Variants in ING1 observed in about 807,000 individuals in gnomAD.
The protein encoded by ING1 is inhibitor of growth family member 1, also known as inhibitor of growth protein 1.
A neutral mutation model predicts 23.1 loss-of-function variants in ING1; 4 were observed. The ratio of observed to expected loss-of-function variants is 0.17; its 90% CI spans 0.09 to 0.40. The LOEUF (loss-of-function observed/expected upper bound fraction) is 0.40, where lower values mean the gene tolerates loss of function less well. Among genes scored for constraint, ING1 ranks in the 10% least tolerant of loss-of-function variants. The pLI is 1.00. For synonymous variants in ING1, 179 were observed against 166.4 expected (o/e 1.08, Z -0.58); for missense variants, 256 against 393.8 (o/e 0.65, Z 2.96).
chr13:110,715,270 G>A (rs2064100706), intron 1 of ING1: 4 of 1,384,224 alleles, frequency 2.9e-6, no homozygotes, highest in South Asian at 3.7e-5. Context: ...AAACGGAAGA[G>A]TTGGGTGGGG....
chr13:110,715,196 GCT>G, intron 1 of ING1: 1 of 1,250,198 alleles, frequency 8.0e-7, no homozygotes, highest in Non-Finnish European at 1.0e-6. Flanking sequence ...GGCTTTGGGG[GCT>G]CTGTTTTGAA....
chr13:110,715,624 G>C (rs747608643), intron 1 of ING1: 6 of 1,613,898 alleles, frequency 3.7e-6, no homozygotes, highest in South Asian at 1.1e-5. Context: ...CGGGTCGCTC[G>C]GCCTCCAGCC....
At position 110,719,912 on chromosome 13, in the gene ING1, G is replaced by A; in HGVS notation, c.820G>A (p.Glu274Lys). 1 of 1,607,488 alleles carries A rather than the reference G, an allele frequency of 6.2e-7. No individual in the cohort carries two copies. Among genetic ancestry groups the A allele is most frequent in the Non-Finnish European group, 8.5e-7 (1 of 1,178,216 alleles). ...CAAAGCCCTGGAGAAATCCAAAAAA[G>A]AGAGGGCTTACAACAGGTAGTTTGT... Reference protein sequence around the residue: ...MDKALEKSKKERAYNR With the variant: ...MDKALEKSKKKRAYNR Residue 274 changes from glutamate (E) to lysine (K), a missense_variant, in exon 2 of 2, where the codon GAG becomes AAG. Glu to Lys is a moderately conservative substitution (Grantham distance 56, BLOSUM62 1). Around this residue, in one of 3 missense-constraint regions of ING1, gnomAD observed 22 missense variants for 24.2 expected, o/e 0.91. Coordinates refer to ENST00000333219, the MANE Select transcript of ING1 (RefSeq NM_198219.3). This position sits in a 1 kb window ranked among gnomAD's most constrained non-coding sequence, Gnocchi z 8.9.
chr13:110,715,488 G>C (rs2064106655), intron 1 of ING1: 1 of 1,612,826 alleles, frequency 6.2e-7, no homozygotes, highest in South Asian at 1.1e-5. Context: ...CGGAACGATT[G>C]GTCGCTGAGG....
upstream of ING1, chr13:110,712,911 G>C (rs1349144247): frequency 1.3e-6 from 2 of 1,540,602 alleles, no homozygotes; most frequent in Non-Finnish European, 1.8e-6. Context: ...AAGGGAGGGC[G>C]GTGACGGATG....
At chr13:110,718,349 G>A (rs1566381488) in intron 1 of ING1, among the ~76,000 whole-genome samples, 2 of 152,136 alleles carry the variant, frequency 1.3e-5, no homozygotes, top group Non-Finnish European at 2.9e-5. Context: ...CTGGGAGGTC[G>A]AGGCTGCAGT....
chr13:110,713,635 G>A (rs1032583906), upstream of ING1: 1 of 985,124 alleles, frequency 1.0e-6, no homozygotes, highest in South Asian at 4.7e-5. Context: ...CGGGGGAGGG[G>A]GCCGGGGCGC....
intron 1 of ING1, among the ~76,000 whole-genome samples, chr13:110,717,366 C>T (rs1263882801): frequency 6.6e-6 from 1 of 152,152 alleles, no homozygotes; most frequent in African/African-American, 2.4e-5. Context: ...TGAGAATATA[C>T]TCTGGAAAAT....
chr13:110,713,007 G>T (rs372639568), upstream of ING1: 1 of 1,533,940 alleles, frequency 6.5e-7, no homozygotes, highest in Non-Finnish European at 8.8e-7. Flanking sequence ...TGCGGCCGCA[G>T]CTCAAAGGAC....
chr13:110,719,962 A>C lies in ING1; in HGVS notation c.*30A>C. 1 of 1,486,128 alleles carries C rather than the reference A, an allele frequency of 6.7e-7. No individual in the cohort carries two copies. The allele number at this position is 1,486,128 out of a possible 1,614,324, so 92.1% of individuals were successfully genotyped here. A position where few individuals can be genotyped will look rare whatever the true frequency, so the allele number is the denominator to read the frequency against. ...TGGACAGGCGCCTGGTGTGAGGAGG[A>C]CAAAATAAACCGTGTATTTATTACA... On this transcript the variant is annotated 3_prime_UTR_variant, in exon 2 of 2. Coordinates refer to ENST00000333219, the MANE Select transcript of ING1 (RefSeq NM_198219.3). The surrounding 1 kb of genome is among the most constrained non-coding windows in gnomAD (Gnocchi z 8.9).
At chr13:110,714,340 G>A (rs1247454812) in intron 1 of ING1, 55 bp downstream of exon 1, 9 of 1,464,828 alleles carry the variant, frequency 6.1e-6, no homozygotes, top group Non-Finnish European at 8.1e-6. Context: ...GGCGGGTCCG[G>A]GCGCGCCGCG....
At chr13:110,715,812 G>GC in intron 1 of ING1, 1 of 1,582,724 alleles carries the variant, frequency 6.3e-7, no homozygotes, top group South Asian at 1.1e-5. Context: ...GGCGGGTGTC[G>GC]CCCCGGCCCC....
rs1030415220 is a variant in ING1, at chr13:110,723,039, A to G, written c.*3107A>G. ...TTTGTTGTATAATAACCAAGTTATTACAGTTCAGATAAAGGGTCCAAAGTG... is the reference window on the plus strand; with the variant it reads ...TTTGTTGTATAATAACCAAGTTATTGCAGTTCAGATAAAGGGTCCAAAGTG... On this transcript the variant is annotated 3_prime_UTR_variant, in exon 2 of 2. Transcript: ENST00000333219. 3 of 152,254 alleles carry G rather than the reference A, an allele frequency of 2.0e-5. No individual in the cohort carries two copies. The highest frequency in any genetic ancestry group is 4.4e-5 in the Non-Finnish European group (3 of 68,046). 9.4% of individuals were successfully genotyped at this position (152,254 alleles called of 1,614,324 possible).
intron 1 of ING1, among the ~76,000 whole-genome samples, chr13:110,717,919 T>C (rs1242117805): frequency 6.6e-6 from 1 of 152,244 alleles, no homozygotes; most frequent in Admixed American, 6.5e-5. Context: ...ATTTAATGGT[T>C]ACTGTTTGAG....
chr13:110,713,213 A>G (rs2064057697), upstream of ING1: 3 of 1,419,464 alleles, frequency 2.1e-6, no homozygotes, highest in East Asian at 7.6e-5. Context: ...TGCGGTTGCC[A>G]GTTCTGTTTC....
Position 110,719,780 on chromosome 13 carries a change from G to C in ING1, c.688G>C (p.Glu230Gln), listed in dbSNP as rs2139976572. The change falls in exon 2 of 2, where the codon GAG becomes CAG. Residue 230 changes from glutamate (E) to glutamine (Q), a missense_variant. This residue lies in a region of ING1 where 25 missense variants were observed against 95.8 expected (regional missense o/e 0.26). Transcript: ENST00000333219. The surrounding 1 kb of genome is among the most constrained non-coding windows in gnomAD (Gnocchi z 8.9). ...GGAGATGATCGGCTGCGACAACGAC[G>C]AGTGCCCCATCGAGTGGTTCCACTT... is the stretch of plus-strand genomic sequence containing the variant. The part of the protein sequence containing the change: ...YGEMIGCDND[E>Q]CPIEWFHFSC... The C allele has an allele frequency of 1.2e-6, 2 of 1,614,044 alleles. No homozygotes were observed. The highest frequency in any genetic ancestry group is 4.5e-5 in the East Asian group (2 of 44,846).
chr13:110,716,646 C>T (rs2064126188), intron 1 of ING1, among the ~76,000 whole-genome samples: 1 of 152,234 alleles, frequency 6.6e-6, no homozygotes, highest in African/African-American at 2.4e-5. Context: ...TAAAGAACTT[C>T]AGTGCAACCC....
At position 110,719,403 on chromosome 13, in the gene ING1, G is replaced by A. The variant is rs140003284; in HGVS notation, c.311G>A (p.Arg104Gln). The change falls in exon 2 of 2, where the codon CGG (arginine) becomes CAG (glutamine). Residue 104 changes from arginine to glutamine, a missense_variant. By Grantham distance (43) the Arg-to-Gln change is conservative. This residue lies in a region of ING1 where 209 missense variants were observed against 273.8 expected (regional missense o/e 0.76). Coordinates refer to ENST00000333219, the MANE Select transcript of ING1 (RefSeq NM_198219.3). The surrounding 1 kb of genome is among the most constrained non-coding windows in gnomAD (Gnocchi z 8.9). ...GTGGAGCTGGTGGAGAACCGCACGC[G>A]GCAGGTGGACAGCCACGTGGAGCTG... Reference protein sequence around the residue: ...QMVELVENRTRQVDSHVELFE... With the variant: ...QMVELVENRTQQVDSHVELFE... 2 of 1,611,152 alleles carry A rather than the reference G, an allele frequency of 1.2e-6. No homozygotes were observed. Among genetic ancestry groups the A allele is most frequent in the Non-Finnish European group, 1.7e-6 (2 of 1,179,742 alleles).
chr13:110,720,048 A>G lies in ING1; in HGVS notation c.*116A>G. 3.9e-6 allele frequency: 3 copies of G among 762,346 alleles called. No individual in the cohort carries two copies. Among genetic ancestry groups the G allele is most frequent in the Non-Finnish European group, 6.1e-6 (3 of 490,940 alleles). The allele number at this position is 762,346 out of a possible 1,614,324, so 47.2% of individuals were successfully genotyped here. ...GTATATTTTTAAAGAATGTTAGTAA[A>G]GGAACCATTCCTTTCATAGGGATGG... On this transcript the variant is annotated 3_prime_UTR_variant, in exon 2 of 2. Transcript: ENST00000333219.
Sources: allele counts gnomAD v4.1 joint callset (sites outside exome capture counted in the v4.1 genomes callset), GRCh38; gene constraint gnomAD v4.1.1; regional missense constraint gnomAD v4.1.1; non-coding constraint Gnocchi (gnomAD v3.1); transcripts MANE v1.5; gene names NCBI Gene and HGNC (gene_info 2026-07-23, HGNC 2026-07-21).